ZCCHC7: variants seen among roughly 807,000 people sequenced by gnomAD.
The protein encoded by ZCCHC7 is zinc finger CCHC domain-containing protein 7.
ZCCHC7 carries 35 observed loss-of-function variants against 52.0 expected under a neutral mutation model. The observed-to-expected ratio is 0.67, with a 90% CI of 0.51 to 0.89. ZCCHC7 has a LOEUF of 0.89. Ranked by LOEUF, ZCCHC7 falls within the 40% of genes least tolerant of loss-of-function variation. The pLI, the probability that ZCCHC7 is intolerant of heterozygous loss-of-function variation, is 0.00. For synonymous variants in ZCCHC7, 217 were observed against 221.5 expected, an observed-to-expected ratio of 0.98 and a Z score of 0.18; for missense variants, 574 against 649.1, an observed-to-expected ratio of 0.88 and a Z score of 1.26.
At chr9:37,314,301 AT>A (rs1300293467) in intron 5 of ZCCHC7, among the ~76,000 whole-genome samples, 1 of 152,208 alleles carries the variant, frequency 6.6e-6, no homozygotes, top group Non-Finnish European at 1.5e-5. Context: ...TGAGAATCTT[AT>A]GGCACTGAGG....
At chr9:37,183,712 T>C (rs984078688) in intron 2 of ZCCHC7, among the ~76,000 whole-genome samples, 25 of 152,258 alleles carry the variant, frequency 1.6e-4, no homozygotes, top group African/African-American at 6.0e-4. Flanking sequence ...CTGAGCACTT[T>C]ACATGTTTTC....
intron 6 of ZCCHC7, 102 bp downstream of exon 6, chr9:37,327,936 T>C: frequency 1.6e-6 from 2 of 1,284,724 alleles, no homozygotes; most frequent in Non-Finnish European, 2.2e-6. Context: ...TGCTGGAAGA[T>C]AATAAACATC....
At chr9:37,345,046 T>C (rs375230752) in intron 6 of ZCCHC7, among the ~76,000 whole-genome samples, 2 of 152,192 alleles carry the variant, frequency 1.3e-5, no homozygotes, top group Non-Finnish European at 2.9e-5. Flanking sequence ...TTTCTACTTA[T>C]AATAAATCCA....
Position 37,205,775 on chromosome 9 carries a change from C to G in ZCCHC7, c.610+78833C>G, listed in dbSNP as rs141319401. ...TTGTGATCCACCTGCCTTGGCTTCC[C>G]AAAGTGCTGGGATTACAGGCATCAG... On this transcript the variant is annotated intron_variant, in intron 2 of 8. Coordinates refer to ENST00000336755, the MANE Select transcript of ZCCHC7 (RefSeq NM_032226.3). Among the ~76,000 whole-genome samples the G allele has an allele frequency of 2.8e-3, 431 of 152,278 alleles. 2 individuals carry two copies. Among genetic ancestry groups the G allele is most frequent in the African/African-American group, 9.8e-3 (406 of 41,552 alleles).
intron 2 of ZCCHC7, among the ~76,000 whole-genome samples, chr9:37,219,716 T>C (rs1824711762): frequency 6.6e-6 from 1 of 152,258 alleles, no homozygotes; most frequent in Admixed American, 6.5e-5. Flanking sequence ...TTTTAAGATA[T>C]AATGTGGTAT....
Position 37,256,122 on chromosome 9 carries a change from G to A in ZCCHC7, c.611-46066G>A, listed in dbSNP as rs534052687. Among the ~76,000 whole-genome samples, 7 of 152,226 alleles carry A rather than the reference G, an allele frequency of 4.6e-5. No homozygotes were observed. The East Asian group carries it at 1.3e-3, about 29-fold the overall frequency. ...CTGACTGGTTACTAGCTTCCAAACAGCAGCCTTGTAGAACCTGCCATTCAG... is the reference window on the plus strand; with the variant it reads ...CTGACTGGTTACTAGCTTCCAAACAACAGCCTTGTAGAACCTGCCATTCAG... On this transcript the variant is annotated intron_variant, in intron 2 of 8. Transcript: ENST00000336755.
intron 2 of ZCCHC7, among the ~76,000 whole-genome samples, chr9:37,215,662 T>G (rs935775558): frequency 6.6e-6 from 1 of 152,238 alleles, no homozygotes; most frequent in African/African-American, 2.4e-5. Flanking sequence ...AAAGATGCAC[T>G]TAACTTCATT....
intron 2 of ZCCHC7, among the ~76,000 whole-genome samples, chr9:37,282,464 G>T (rs1277628181): frequency 1.3e-5 from 2 of 151,846 alleles, no homozygotes; most frequent in African/African-American, 4.8e-5. Flanking sequence ...AATTAGCCAG[G>T]CGTGGTGGTG....
chr9:37,160,873 C>T (rs1000881393), intron 2 of ZCCHC7, among the ~76,000 whole-genome samples: 4 of 151,924 alleles, frequency 2.6e-5, no homozygotes, highest in African/African-American at 7.3e-5. Context: ...GCGACAAGAG[C>T]GAAACTCCAT....
At chr9:37,289,766 A>C (rs1354252093) in intron 2 of ZCCHC7, among the ~76,000 whole-genome samples, 1 of 151,874 alleles carries the variant, frequency 6.6e-6, no homozygotes, top group Admixed American at 6.6e-5. Context: ...ATAAACTAAT[A>C]CCTCTGTACT....
At position 37,126,994 on chromosome 9, in the gene ZCCHC7, A is replaced by G. The variant is rs776958685; in HGVS notation, c.610+52A>G. On this transcript the variant is annotated intron_variant, in intron 2 of 8. Coordinates refer to ENST00000336755, the MANE Select transcript of ZCCHC7 (RefSeq NM_032226.3). ...AGTAGTATCATCTTTCATAAGGAGG[A>G]CTGCTTTTCCTAGAGAAAAGACCAA... 4 of 1,580,684 alleles carry G rather than the reference A, an allele frequency of 2.5e-6. No individual in the cohort carries two copies. The East Asian group carries it at 9.0e-5, about 35-fold the overall frequency.
intron 2 of ZCCHC7, among the ~76,000 whole-genome samples, chr9:37,283,817 G>T (rs2133583263): frequency 6.6e-6 from 1 of 152,164 alleles, no homozygotes; most frequent in African/African-American, 2.4e-5. Context: ...AGATTCCCAA[G>T]TTCTATATTG....
rs191183415 is a variant in ZCCHC7, at chr9:37,141,526, T to G, written c.610+14584T>G. 2.0e-5 allele frequency among the ~76,000 whole-genome samples: 3 copies of G among 151,990 alleles called. No homozygotes were observed. In the East Asian group the frequency reaches 5.8e-4, roughly 29 times the overall value. ...GATATGTTAGTGTTATGCATGAAAT[T>G]GATGGGAAATTATTAATCCTGAAAA... On this transcript the variant is annotated intron_variant, in intron 2 of 8. Transcript: ENST00000336755.
At chr9:37,123,415 G>C (rs1459578768) in intron 1 of ZCCHC7, among the ~76,000 whole-genome samples, 1 of 152,134 alleles carries the variant, frequency 6.6e-6, no homozygotes, top group African/African-American at 2.4e-5. Flanking sequence ...TTCAAGTACA[G>C]ACGGTACAAA....
At chr9:37,320,829 G>A (rs747887226) in intron 5 of ZCCHC7, among the ~76,000 whole-genome samples, 1 of 152,156 alleles carries the variant, frequency 6.6e-6, no homozygotes, top group Non-Finnish European at 1.5e-5. Flanking sequence ...CATTCCATGA[G>A]ATTTAGAACT....
At chr9:37,236,378 C>G (rs1374470189) in intron 2 of ZCCHC7, among the ~76,000 whole-genome samples, 1 of 149,424 alleles carries the variant, frequency 6.7e-6, no homozygotes, top group Non-Finnish European at 1.5e-5. Context: ...GGGTATTTCT[C>G]TACCTTTTTT....
chr9:37,215,714 A>G (rs1352635823), intron 2 of ZCCHC7, among the ~76,000 whole-genome samples: 1 of 152,184 alleles, frequency 6.6e-6, no homozygotes, highest in Non-Finnish European at 1.5e-5. Flanking sequence ...ACTGTCACCT[A>G]TTTGAAAAAG....
intron 6 of ZCCHC7, among the ~76,000 whole-genome samples, chr9:37,346,463 C>T (rs1820980021): frequency 6.6e-6 from 1 of 152,026 alleles, no homozygotes; most frequent in Non-Finnish European, 1.5e-5. Flanking sequence ...TTCACCTGAG[C>T]CCAGGAGTTT....
At chr9:37,314,302 T>C (rs1010092661) in intron 5 of ZCCHC7, among the ~76,000 whole-genome samples, 2 of 152,198 alleles carry the variant, frequency 1.3e-5, no homozygotes, top group Non-Finnish European at 2.9e-5. Context: ...GAGAATCTTA[T>C]GGCACTGAGG....
Sources: allele counts gnomAD v4.1 joint callset (sites outside exome capture counted in the v4.1 genomes callset), GRCh38; gene constraint gnomAD v4.1.1; transcripts MANE v1.5; gene names NCBI Gene and HGNC (gene_info 2026-07-23, HGNC 2026-07-21).